Variants in MTHFS observed in about 807,000 individuals in gnomAD.
The protein encoded by MTHFS is 5-formyltetrahydrofolate cyclo-ligase.
A neutral mutation model predicts 12.7 loss-of-function variants in MTHFS; 7 were observed. The ratio of observed to expected loss-of-function variants is 0.55; its 90% CI spans 0.31 to 1.03. The LOEUF (loss-of-function observed/expected upper bound fraction) is 1.03. Ranked by LOEUF, MTHFS falls within the 50% of genes least tolerant of loss-of-function variation. MTHFS has a pLI of 0.05. For synonymous variants in MTHFS, 100 were observed against 97.1 expected (o/e 1.03, Z -0.18); for missense variants, 252 against 258.1 (o/e 0.98, Z 0.16).
At chr15:79,870,666 G>T (rs1360052744) in intron 2 of MTHFS, among the ~76,000 whole-genome samples, 4 of 152,136 alleles carry the variant, frequency 2.6e-5, no homozygotes, top group Non-Finnish European at 5.9e-5. Context: ...TGCTATAACA[G>T]TAGGAACAAG....
At chr15:79,887,351 C>T (rs542156571) in intron 2 of MTHFS, among the ~76,000 whole-genome samples, 9 of 152,358 alleles carry the variant, frequency 5.9e-5, no homozygotes, top group African/African-American at 2.2e-4. Context: ...CTTTTCACCA[C>T]TGTACTTGAA....
In MTHFS at chr15:79,858,031, A is replaced by AAAC. The variant is rs1224066432; in HGVS notation, c.380-12590_380-12589insGTT. ...ACTCCATCTCAAAAAAAAAAAAAAA[A>AAAC]AAAACATAATCCTCTCTAAAACCTT... On this transcript the variant is annotated intron_variant, in intron 2 of 2. Transcript: ENST00000258874. Among the ~76,000 whole-genome samples the AAAC allele has an allele frequency of 9.9e-5, 15 of 151,264 alleles. 1 individual carries two copies. Among genetic ancestry groups the AAAC allele is most frequent in the African/African-American group, 3.7e-4 (15 of 40,888 alleles).
intron 1 of MTHFS, among the ~76,000 whole-genome samples, chr15:79,896,004 A>C (rs1011149808): frequency 6.6e-6 from 1 of 152,236 alleles, no homozygotes; most frequent in Non-Finnish European, 1.5e-5. Context: ...TCTTTAGAAC[A>C]TGCCTTCACA....
chr15:79,851,709 C>T, intron 2 of MTHFS, among the ~76,000 whole-genome samples: 1 of 152,216 alleles, frequency 6.6e-6, no homozygotes. Context: ...TCCCTAAAGT[C>T]ATTCAACTCA....
chr15:79,889,660 G>C (rs1338817811), intron 1 of MTHFS, among the ~76,000 whole-genome samples: 1 of 152,078 alleles, frequency 6.6e-6, no homozygotes, highest in Non-Finnish European at 1.5e-5. Flanking sequence ...TTCCAGGCTT[G>C]ATCCCCACCT....
chr15:79,867,405 T>C (rs2034031318), intron 2 of MTHFS, among the ~76,000 whole-genome samples: 1 of 152,118 alleles, frequency 6.6e-6, no homozygotes, highest in African/African-American at 2.4e-5. Context: ...CATTGAAGTT[T>C]TCTTTAGGCC....
At chr15:79,880,041 C>G (rs2034269833) in intron 2 of MTHFS, among the ~76,000 whole-genome samples, 4 of 152,106 alleles carry the variant, frequency 2.6e-5, no homozygotes. Context: ...CCTACTTCAT[C>G]CAACAGTAAA....
At chr15:79,880,839 T>C (rs1027573340) in intron 2 of MTHFS, among the ~76,000 whole-genome samples, 17 of 147,954 alleles carry the variant, frequency 1.1e-4, no homozygotes, top group Admixed American at 2.0e-4. Flanking sequence ...ATATAGGATA[T>C]AATAAAGCAA....
chr15:79,892,948 TA>T (rs1029652847), intron 1 of MTHFS, among the ~76,000 whole-genome samples: 4 of 150,978 alleles, frequency 2.6e-5, no homozygotes, highest in Non-Finnish European at 5.9e-5. Context: ...AGACTCCATC[TA>T]AAAAAAAATT....
At chr15:79,890,209 T>C (rs2034451071) in intron 1 of MTHFS, among the ~76,000 whole-genome samples, 2 of 22,144 alleles carry the variant, frequency 9.0e-5, no homozygotes, top group Admixed American at 7.4e-4. Context: ...CTTTTTTCCT[T>C]TTTTTTTTTT....
intron 2 of MTHFS, among the ~76,000 whole-genome samples, chr15:79,846,638 C>T (rs191689748): frequency 6.6e-6 from 1 of 152,332 alleles, no homozygotes; most frequent in East Asian, 1.9e-4. Flanking sequence ...CCTCAGATTA[C>T]AGTAATGACC....
intron 2 of MTHFS, among the ~76,000 whole-genome samples, chr15:79,872,614 A>G (rs1337556192): frequency 6.6e-6 from 1 of 152,230 alleles, no homozygotes. Flanking sequence ...ATGTAAATTA[A>G]GGGGCAGGTC....
At chr15:79,872,121 A>G (rs1006012749) in intron 2 of MTHFS, among the ~76,000 whole-genome samples, 4 of 151,672 alleles carry the variant, frequency 2.6e-5, no homozygotes, top group Admixed American at 6.6e-5. Flanking sequence ...AAAAAAAAAA[A>G]AAAAAAATTT....
Position 79,889,122 on chromosome 15 carries a change from C to T in MTHFS, c.350G>A (p.Gly117Asp), listed in dbSNP as rs1262721211. ...TSWNIPQPGEGDVREEALSTG... is the reference protein window; with the variant it reads ...TSWNIPQPGEDDVREEALSTG... ...GGACAAGGCCTCCTCCCGAACATCA[C>T]CCTCACCAGGCTGAGGGATATTCCA... The change falls in exon 2 of 3, where the codon GGT becomes GAT. Residue 117 changes from glycine to aspartate, a missense_variant. Physicochemically the swap from Gly to Asp is moderately conservative, Grantham distance 94. Transcript: ENST00000258874. 1 of 1,614,198 alleles carries T rather than the reference C, an allele frequency of 6.2e-7. No homozygotes were observed. The highest frequency in any genetic ancestry group is 2.2e-5 in the East Asian group (1 of 44,876).
chr15:79,867,386 A>G (rs11072870), intron 2 of MTHFS, among the ~76,000 whole-genome samples: 12,995 of 151,138 alleles, frequency 0.086, 728 homozygotes, highest in East Asian at 0.27. Context: ...AAAAAAAAAA[A>G]GGGGGGGACA....
chr15:79,871,848 T>C (rs7183689), intron 2 of MTHFS, among the ~76,000 whole-genome samples: 44,899 of 151,896 alleles, frequency 0.3, 7,089 homozygotes, highest in Middle Eastern at 0.38. Context: ...GGCTAATGCC[T>C]GTAATCTCAG....
At chr15:79,892,457 T>C (rs1033796713) in intron 1 of MTHFS, among the ~76,000 whole-genome samples, 2 of 151,952 alleles carry the variant, frequency 1.3e-5, no homozygotes, top group African/African-American at 4.8e-5. Context: ...CCTGGAAAAA[T>C]ACAGAAATTA....
chr15:79,869,000 G>A (rs754572166), intron 2 of MTHFS, among the ~76,000 whole-genome samples: 7 of 151,990 alleles, frequency 4.6e-5, no homozygotes, highest in Non-Finnish European at 8.8e-5. Context: ...ATGAAAAAAC[G>A]GTGAGTGTTG....
intron 2 of MTHFS, among the ~76,000 whole-genome samples, chr15:79,865,041 G>A (rs185005867): frequency 2.5e-4 from 38 of 152,262 alleles, no homozygotes; most frequent in Admixed American, 2.3e-3. Context: ...TTTGTTTCAG[G>A]GGAGAGGTTC....
Sources: gnomAD v4.1 joint callset for allele counts (sites outside exome capture counted in the v4.1 genomes callset) on GRCh38, gnomAD v4.1.1 for gene constraint, MANE v1.5 for transcripts, NCBI Gene and HGNC (gene_info 2026-07-23, HGNC 2026-07-21) for gene names.